Variants in WDR7 observed in about 807,000 individuals in gnomAD.
WDR7 encodes WD repeat-containing protein 7.
Under a neutral mutation model 169.4 loss-of-function variants are expected in WDR7, and 46 were observed. That is an observed-to-expected ratio of 0.27 (90% CI 0.21 to 0.35). The LOEUF is 0.35. Ranked by LOEUF, WDR7 falls within the 10% of genes least tolerant of loss-of-function variation. The pLI is 1.00. For synonymous variants in WDR7, 612 were observed against 666.8 expected (o/e 0.92, Z 1.27); for missense variants, 1,534 against 1,859.3 (o/e 0.83, Z 3.22).
At chr18:56,656,564 G>A (rs1299237775) in intron 1 of WDR7, among the ~76,000 whole-genome samples, 2 of 143,638 alleles carry the variant, frequency 1.4e-5, no homozygotes, top group Admixed American at 7.5e-5. Context: ...ATAGATGTGA[G>A]CCACTGCGCC....
At chr18:56,670,465 A>C (rs1487900960) in intron 1 of WDR7, among the ~76,000 whole-genome samples, 1 of 152,132 alleles carries the variant, frequency 6.6e-6, no homozygotes, top group Non-Finnish European at 1.5e-5. Flanking sequence ...TTCAGTGTTT[A>C]GTACTTATTT....
At chr18:56,812,031 T>A (rs1309918617) in intron 19 of WDR7, among the ~76,000 whole-genome samples, 1 of 152,222 alleles carries the variant, frequency 6.6e-6, no homozygotes, top group African/African-American at 2.4e-5. Flanking sequence ...TTGCATTAAA[T>A]CTGTATATCA....
intron 25 of WDR7, among the ~76,000 whole-genome samples, chr18:56,956,390 C>T (rs1347673440): frequency 2.0e-5 from 3 of 152,116 alleles, no homozygotes; most frequent in Non-Finnish European, 4.4e-5. Flanking sequence ...CAAACATGTT[C>T]TAGACAGTGC....
At chr18:56,907,234 G>A (rs1056684110) in intron 21 of WDR7, among the ~76,000 whole-genome samples, 1 of 152,184 alleles carries the variant, frequency 6.6e-6, no homozygotes, top group Non-Finnish European at 1.5e-5. Context: ...ACGGTGAAGT[G>A]TGAATCAATT....
At chr18:57,024,989 G>A (rs1197809205) in intron 27 of WDR7, among the ~76,000 whole-genome samples, 1 of 152,170 alleles carries the variant, frequency 6.6e-6, no homozygotes, top group Admixed American at 6.5e-5. Context: ...ATTTATCAAA[G>A]TAGGGATGGC....
intron 20 of WDR7, among the ~76,000 whole-genome samples, chr18:56,817,837 C>A (rs1054267806): frequency 1.1e-4 from 17 of 151,494 alleles, no homozygotes; most frequent in Non-Finnish European, 2.4e-4. Flanking sequence ...CCTCCACTCT[C>A]AGGTTCAAGC....
In WDR7 at chr18:56,670,757, G is replaced by A. The variant is rs531437126; in HGVS notation, c.-19-1740G>A. 1.3e-3 allele frequency among the ~76,000 whole-genome samples: 194 copies of A among 152,100 alleles called. 1 individual carries two copies. The highest frequency in any genetic ancestry group is 2.4e-3 in the Non-Finnish European group (161 of 67,976). ...AACTCTTGACCTCAAGTGATCTGCC[G>A]ACCTTGGCCTCCCAAAGTGCTGGGA... On this transcript the variant is annotated intron_variant, in intron 1 of 27. Transcript: ENST00000254442.
intron 16 of WDR7, among the ~76,000 whole-genome samples, chr18:56,772,571 G>A (rs550921752): frequency 6.6e-6 from 1 of 152,164 alleles, no homozygotes; most frequent in East Asian, 1.9e-4. Context: ...CCCCAGCAAG[G>A]TGTCCAAGGA....
chr18:56,878,464 G>A (rs778737351), intron 20 of WDR7, among the ~76,000 whole-genome samples: 20 of 151,862 alleles, frequency 1.3e-4, no homozygotes, highest in Middle Eastern at 3.2e-3. Flanking sequence ...TTTCATGCTT[G>A]TTATTTTCTG....
At chr18:56,663,304 ACTTGAGTATTTTGTTTACAGGT>A (rs1469572570) in intron 1 of WDR7, among the ~76,000 whole-genome samples, 1 of 150,536 alleles carries the variant, frequency 6.6e-6, no homozygotes. Flanking sequence ...AGTGCATAAA[ACTTGAGTATTTTGTTTACAGGT>A]CTGAGGGAAA....
At chr18:56,932,058 C>T (rs9960542) in intron 22 of WDR7, among the ~76,000 whole-genome samples, 2,538 of 152,192 alleles carry the variant, frequency 0.017, 76 homozygotes, top group African/African-American at 0.057. Flanking sequence ...ACTATGATGA[C>T]GGTGAATTGA....
At chr18:56,673,400 T>C (rs116100452) in intron 2 of WDR7, among the ~76,000 whole-genome samples, 1,738 of 152,314 alleles carry the variant, frequency 0.011, 42 homozygotes, top group African/African-American at 0.04. Flanking sequence ...TATTGAGATA[T>C]AATTCACATA....
intron 12 of WDR7, among the ~76,000 whole-genome samples, chr18:56,711,265 C>T (rs1215426721): frequency 1.3e-5 from 2 of 151,466 alleles, no homozygotes; most frequent in African/African-American, 2.4e-5. Context: ...AATCTTATCC[C>T]ACCCAGAAAT....
At chr18:56,787,355 T>G (rs1008545310) in intron 19 of WDR7, among the ~76,000 whole-genome samples, 3 of 152,210 alleles carry the variant, frequency 2.0e-5, no homozygotes, top group Non-Finnish European at 4.4e-5. Flanking sequence ...TTCAGAAACA[T>G]TAAACACATA....
At chr18:56,691,079 C>T (rs2025558037) in intron 7 of WDR7, 137 bp from the exon 8 acceptor site, 1 of 1,264,460 alleles carries the variant, frequency 7.9e-7, no homozygotes, top group Non-Finnish European at 1.1e-6. Context: ...GGCTTATTGA[C>T]AAACTTTCTT....
intron 26 of WDR7, among the ~76,000 whole-genome samples, chr18:56,965,849 G>A (rs539470142): frequency 9.2e-4 from 140 of 151,984 alleles, no homozygotes; most frequent in Non-Finnish European, 1.8e-3. Context: ...AAATTTGTGT[G>A]GGGTTGAACT....
chr18:56,914,301 C>G (rs1393649501), intron 21 of WDR7, among the ~76,000 whole-genome samples: 1 of 152,136 alleles, frequency 6.6e-6, no homozygotes, highest in East Asian at 1.9e-4. Flanking sequence ...TAGGATCTTA[C>G]CCTGCTTTAT....
chr18:56,846,536 G>A (rs1297227433), intron 20 of WDR7, among the ~76,000 whole-genome samples: 1 of 152,136 alleles, frequency 6.6e-6, no homozygotes, highest in Non-Finnish European at 1.5e-5. Context: ...CCCCAGCCAT[G>A]TGGAACTATA....
intron 22 of WDR7, among the ~76,000 whole-genome samples, chr18:56,929,339 A>C (rs955481121): frequency 6.6e-6 from 1 of 152,246 alleles, no homozygotes; most frequent in African/African-American, 2.4e-5. Flanking sequence ...TTATTTACAT[A>C]TCAGTAAACT....
Sources: gnomAD v4.1 joint callset for allele counts (sites outside exome capture counted in the v4.1 genomes callset) on GRCh38, gnomAD v4.1.1 for gene constraint, MANE v1.5 for transcripts, NCBI Gene and HGNC (gene_info 2026-07-23, HGNC 2026-07-21) for gene names.